The following SH3RF1 variants were observed in gnomAD, a reference collection of about 807,000 sequenced individuals.
SH3RF1 encodes SH3 domain containing ring finger 1, also known as E3 ubiquitin-protein ligase SH3RF1.
Under a neutral mutation model 74.0 loss-of-function variants are expected in SH3RF1, and 32 were observed. The observed-to-expected ratio is 0.43, with a 90% confidence interval of 0.33 to 0.58. The LOEUF (loss-of-function observed/expected upper bound fraction) is 0.58. Ranked by LOEUF, SH3RF1 falls within the 20% of genes least tolerant of loss-of-function variation. The pLI, the probability that SH3RF1 is intolerant of heterozygous loss-of-function variation, is 0.05. For missense variants in SH3RF1, 954 were observed against 1,130.9 expected (o/e 0.84, Z 2.24); for synonymous variants, 396 against 439.6 (o/e 0.90, Z 1.24).
chr4:169,144,287 C>T (rs2126958296), intron 4 of SH3RF1, among the ~76,000 whole-genome samples: 1 of 152,302 alleles, frequency 6.6e-6, no homozygotes, highest in East Asian at 1.9e-4. Context: ...TCATTTGTAA[C>T]ATGAAGCAAG....
At chr4:169,098,551 C>T (rs1732967720) in intron 11 of SH3RF1, among the ~76,000 whole-genome samples, 1 of 152,232 alleles carries the variant, frequency 6.6e-6, no homozygotes, top group African/African-American at 2.4e-5. Flanking sequence ...ACAACCTGAG[C>T]TCCTTTGGCA....
At chr4:169,194,368 T>C (rs868751647) in intron 2 of SH3RF1, among the ~76,000 whole-genome samples, 11 of 152,150 alleles carry the variant, frequency 7.2e-5, no homozygotes, top group South Asian at 2.1e-4. Context: ...ACCCTCTCCC[T>C]TTCCCAAAAT....
At chr4:169,219,514 A>AC in intron 2 of SH3RF1, among the ~76,000 whole-genome samples, 1 of 152,272 alleles carries the variant, frequency 6.6e-6, no homozygotes, top group East Asian at 1.9e-4. Flanking sequence ...TTATTCGCTT[A>AC]CAAAAAAAAC....
chr4:169,133,056 C>T (rs747761173), intron 5 of SH3RF1, among the ~76,000 whole-genome samples: 6 of 152,180 alleles, frequency 3.9e-5, no homozygotes, highest in Non-Finnish European at 8.8e-5. Flanking sequence ...CACCTTCCAG[C>T]TGCCAGCAAT....
intron 2 of SH3RF1, among the ~76,000 whole-genome samples, chr4:169,191,516 T>A (rs1734709051): frequency 6.6e-6 from 1 of 152,106 alleles, no homozygotes; most frequent in Admixed American, 6.5e-5. Context: ...AATACCATCA[T>A]TATTCTTTGA....
intron 2 of SH3RF1, among the ~76,000 whole-genome samples, chr4:169,240,028 A>T (rs1362222924): frequency 2.0e-5 from 3 of 152,110 alleles, no homozygotes; most frequent in Non-Finnish European, 2.9e-5. Context: ...CCTCAAAAAA[A>T]ACAAAAGTAA....
intron 2 of SH3RF1, among the ~76,000 whole-genome samples, chr4:169,171,259 TCCTCTCTGACCACACAG>T (rs1734322922): frequency 6.6e-6 from 1 of 152,312 alleles, no homozygotes; most frequent in South Asian, 2.1e-4. Flanking sequence ...GGTCCATGAA[TCCTCTCTGACCACACAG>T]CAGCACCAGA....
intron 2 of SH3RF1, among the ~76,000 whole-genome samples, chr4:169,228,801 C>A (rs779349447): frequency 1.3e-5 from 2 of 152,250 alleles, no homozygotes; most frequent in Non-Finnish European, 2.9e-5. Context: ...CAGACATATA[C>A]CACACCCATA....
At chr4:169,159,544 T>C (rs1734118640) in intron 2 of SH3RF1, among the ~76,000 whole-genome samples, 1 of 152,186 alleles carries the variant, frequency 6.6e-6, no homozygotes, top group Non-Finnish European at 1.5e-5. Context: ...AGCTCTGTGA[T>C]TTGGGGCAGG....
At chr4:169,268,036 G>T (rs1731382318) in intron 2 of SH3RF1, among the ~76,000 whole-genome samples, 1 of 151,614 alleles carries the variant, frequency 6.6e-6, no homozygotes, top group Admixed American at 6.6e-5. Flanking sequence ...ATATTTATTA[G>T]AAATACCTAT....
intron 2 of SH3RF1, among the ~76,000 whole-genome samples, chr4:169,262,318 A>C (rs1195361573): frequency 2.0e-5 from 3 of 152,196 alleles, no homozygotes; most frequent in Non-Finnish European, 4.4e-5. Context: ...TTTTTTTTAC[A>C]ACCAGAATGC....
At chr4:169,096,781 G>A in intron 11 of SH3RF1, 94 bp from the exon 12 acceptor site, 4 of 1,133,764 alleles carry the variant, frequency 3.5e-6, no homozygotes, top group Non-Finnish European at 5.1e-6. Context: ...AACATAAATA[G>A]GAAATAACAT....
chr4:169,196,049 G>A (rs1448694622), intron 2 of SH3RF1, among the ~76,000 whole-genome samples: 4 of 151,998 alleles, frequency 2.6e-5, no homozygotes, highest in African/African-American at 9.7e-5. Context: ...CCTGACCTCA[G>A]GTGACCCACT....
chr4:169,104,589 C>T lies in SH3RF1; in HGVS notation c.2498+2258G>A, dbSNP rs542484735. On this transcript the variant is annotated intron_variant, in intron 11 of 11. Coordinates refer to ENST00000284637, the MANE Select transcript of SH3RF1 (RefSeq NM_020870.4). The stretch of plus-strand genomic sequence containing the variant: ...GTTAGAACTATAGAAAATTATTGTA[C>T]AGCACTATAAAAATAAATATCATAA... Among the ~76,000 whole-genome samples, 3 of 152,156 alleles carry T rather than the reference C, an allele frequency of 2.0e-5. No individual in the cohort carries two copies. In the South Asian group the frequency reaches 6.2e-4, roughly 32 times the overall value.
intron 6 of SH3RF1, among the ~76,000 whole-genome samples, chr4:169,126,646 C>A (rs1379986552): frequency 6.6e-6 from 1 of 152,064 alleles, no homozygotes; most frequent in African/African-American, 2.4e-5. Flanking sequence ...TGCAGTGGCA[C>A]AATCATGGTT....
At chr4:169,098,340 G>GA (rs1732963861) in intron 11 of SH3RF1, among the ~76,000 whole-genome samples, 2 of 152,318 alleles carry the variant, frequency 1.3e-5, no homozygotes, top group Middle Eastern at 3.4e-3. Context: ...GACTGAAAGT[G>GA]AAAAATATTA....
intron 6 of SH3RF1, among the ~76,000 whole-genome samples, chr4:169,125,292 T>A (rs1733507085): frequency 2.0e-5 from 3 of 152,074 alleles, no homozygotes; most frequent in Admixed American, 2.0e-4. Context: ...AGGGAAGAAG[T>A]GTCTTCTCTC....
At chr4:169,232,661 CT>C (rs1273373721) in intron 2 of SH3RF1, among the ~76,000 whole-genome samples, 3 of 152,162 alleles carry the variant, frequency 2.0e-5, no homozygotes, top group Non-Finnish European at 4.4e-5. Flanking sequence ...TAATCAGATA[CT>C]TTCTGGCTGT....
chr4:169,128,310 A>G (rs111494087), intron 6 of SH3RF1, among the ~76,000 whole-genome samples: 17 of 152,280 alleles, frequency 1.1e-4, no homozygotes, highest in African/African-American at 3.4e-4. Context: ...AGGGAAACCA[A>G]ATTTCACTAA....
Sources: gnomAD v4.1 joint callset for allele counts (sites outside exome capture counted in the v4.1 genomes callset) on GRCh38, gnomAD v4.1.1 for gene constraint, MANE v1.5 for transcripts, NCBI Gene and HGNC (gene_info 2026-07-23, HGNC 2026-07-21) for gene names.